Variants in BCL11A observed in about 807,000 individuals in gnomAD.
BCL11A encodes the protein B cell CLL/lymphoma 11A.
In BCL11A, 2 loss-of-function variants were observed where a neutral mutation model predicts 55.9. That is an observed-to-expected ratio of 0.04 (90% CI 0.01 to 0.11). The LOEUF (loss-of-function observed/expected upper bound fraction) is 0.11, where lower values mean the gene tolerates loss of function less well. Ranked by LOEUF, BCL11A falls within the 10% of genes least tolerant of loss-of-function variation. The pLI is 1.00. For missense variants in BCL11A, 817 were observed against 1,137.1 expected (o/e 0.72, Z 4.05); for synonymous variants, 465 against 473.4 (o/e 0.98, Z 0.23).
intron 2 of BCL11A, among the ~76,000 whole-genome samples, chr2:60,493,264 C>G (rs1678752089): frequency 6.6e-6 from 1 of 152,182 alleles, no homozygotes; most frequent in Admixed American, 6.5e-5. Context: ...CCACTATGAA[C>G]AGTGCTACAA....
intron 2 of BCL11A, among the ~76,000 whole-genome samples, chr2:60,470,022 C>T (rs911891009): frequency 9.2e-5 from 14 of 152,156 alleles, no homozygotes; most frequent in African/African-American, 3.4e-4. Flanking sequence ...GTGTAAAATA[C>T]ATCCTGTTCT....
rs1676110880 is a variant in BCL11A, at chr2:60,459,449, T to C, written c.*955A>G. The stretch of plus-strand genomic sequence containing the variant: ...TTTTAAGCTCTCACCAGGAGCAAAG[T>C]AGCTTTTATACTGGTATAATCAGTT... On this transcript the variant is annotated 3_prime_UTR_variant, in exon 4 of 4. Coordinates refer to ENST00000642384, the MANE Select transcript of BCL11A (RefSeq NM_022893.4). 9.8e-7 allele frequency: 1 copy of C among 1,021,602 alleles called. No homozygotes were observed. The highest frequency in any genetic ancestry group is 4.6e-5 in the South Asian group (1 of 21,622). 63.3% of individuals were successfully genotyped at this position (1,021,602 alleles called of 1,614,324 possible).
chr2:60,461,007 G>A lies in BCL11A; in HGVS notation c.1905C>T (p.Arg635=). 6.2e-7 allele frequency: 1 copy of A among 1,608,662 alleles called. No homozygotes were observed. The highest frequency in any genetic ancestry group is 8.5e-7 in the Non-Finnish European group (1 of 1,176,916). The change falls in exon 4 of 4, where the codon CGC becomes CGT. Residue 635 remains arginine (R), a synonymous_variant. Coordinates refer to ENST00000642384, the MANE Select transcript of BCL11A (RefSeq NM_022893.4). ...SPSSLSPFSK[R]IKLEKEFDLP... Reference sequence around the variant, plus strand: ...GGTCGAACTCCTTCTCGAGCTTGATGCGCTTAGAGAAGGGGCTCAGCGAGC... The same window carrying A: ...GGTCGAACTCCTTCTCGAGCTTGATACGCTTAGAGAAGGGGCTCAGCGAGC...
At chr2:60,513,792 C>G (rs141803473) in intron 2 of BCL11A, among the ~76,000 whole-genome samples, 54 of 152,234 alleles carry the variant, frequency 3.5e-4, no homozygotes, top group Non-Finnish European at 7.3e-5. Flanking sequence ...TCAGCACCTA[C>G]GAAGGGTCCT....
downstream of BCL11A, among the ~76,000 whole-genome samples, chr2:60,456,839 G>A (rs1272402113): frequency 2.6e-5 from 4 of 152,044 alleles, no homozygotes; most frequent in Non-Finnish European, 5.9e-5. Context: ...AACAAGAACA[G>A]CAAAAAATTT....
At position 60,458,474 on chromosome 2, in the gene BCL11A, A is replaced by C; in HGVS notation, c.*1930T>G. ...ATTTAAAAAAGTTTTGTACAAAAAA[A>C]TCCTTGCACTGTAGAAGCGAAAGCA... On this transcript the variant is annotated 3_prime_UTR_variant, in exon 4 of 4. Coordinates refer to ENST00000642384, the MANE Select transcript of BCL11A (RefSeq NM_022893.4). 9.7e-7 allele frequency: 1 copy of C among 1,029,472 alleles called. No individual in the cohort carries two copies. Among genetic ancestry groups the C allele is most frequent in the Non-Finnish European group, 1.2e-6 (1 of 855,642 alleles). 63.8% of individuals were successfully genotyped at this position (1,029,472 alleles called of 1,614,324 possible).
chr2:60,516,687 C>A (rs1299047022), intron 2 of BCL11A, among the ~76,000 whole-genome samples: 1 of 152,176 alleles, frequency 6.6e-6, no homozygotes, highest in East Asian at 1.9e-4. Flanking sequence ...TTTAACTGCC[C>A]TCAAAGATGG....
In BCL11A at chr2:60,457,646, A is replaced by C; in HGVS notation, c.*2758T>G. The C allele has an allele frequency of 9.6e-7, 1 of 1,041,890 alleles. No individual in the cohort carries two copies. Among genetic ancestry groups the C allele is most frequent in the Non-Finnish European group, 1.2e-6 (1 of 864,384 alleles). The allele number at this position is 1,041,890 out of a possible 1,614,324, so 64.5% of individuals were successfully genotyped here. On this transcript the variant is annotated 3_prime_UTR_variant, in exon 4 of 4. Transcript: ENST00000642384. ...TATAAAGCACCATTTAGTTTTTGGCAATGAAAAAAACTGCAAAACATTGGT... is the reference window on the plus strand; with the variant it reads ...TATAAAGCACCATTTAGTTTTTGGCCATGAAAAAAACTGCAAAACATTGGT...
chr2:60,528,657 C>T (rs1392371493), intron 2 of BCL11A: 1 of 152,276 alleles, frequency 6.6e-6, no homozygotes, highest in Non-Finnish European at 1.5e-5. Context: ...GGGTGGCGGC[C>T]GCAGGCCAAA....
intron 2 of BCL11A, among the ~76,000 whole-genome samples, chr2:60,505,484 C>T (rs1679534869): frequency 6.6e-6 from 1 of 152,252 alleles, no homozygotes; most frequent in Non-Finnish European, 1.5e-5. Context: ...TGCATCCACA[C>T]AGGGAACAAG....
At chr2:60,547,592 C>G (rs1411964262) in intron 1 of BCL11A, among the ~76,000 whole-genome samples, 1 of 151,732 alleles carries the variant, frequency 6.6e-6, no homozygotes, top group Non-Finnish European at 1.5e-5. Flanking sequence ...ATGTACAAGT[C>G]TTAAACAGTT....
chr2:60,479,258 T>C (rs1677809634), intron 2 of BCL11A, among the ~76,000 whole-genome samples: 1 of 152,202 alleles, frequency 6.6e-6, no homozygotes, highest in Non-Finnish European at 1.5e-5. Context: ...ACCTAGCAGG[T>C]CCACGTGGGG....
rs1676093403 is a variant in BCL11A, at chr2:60,459,129, A to G, written c.*1275T>C. On this transcript the variant is annotated 3_prime_UTR_variant, in exon 4 of 4. Transcript: ENST00000642384. The stretch of plus-strand genomic sequence containing the variant: ...AAATAGTACCACGTTGTGCTAATAA[A>G]TCATATTATTTTCTTCTGTTCCCCT... 4.9e-6 allele frequency: 5 copies of G among 1,023,300 alleles called. No homozygotes were observed. The African/African-American group carries it at 6.8e-5, about 14-fold the overall frequency. The allele number at this position is 1,023,300 out of a possible 1,614,324, so 63.4% of individuals were successfully genotyped here.
chr2:60,523,073 T>C (rs1166133571), intron 2 of BCL11A, among the ~76,000 whole-genome samples: 1 of 152,256 alleles, frequency 6.6e-6, no homozygotes, highest in Non-Finnish European at 1.5e-5. Context: ...TTGGACTTAA[T>C]ATCTTTCAGG....
intron 1 of BCL11A, among the ~76,000 whole-genome samples, chr2:60,547,944 C>T (rs181286267): frequency 2.0e-5 from 3 of 152,300 alleles, no homozygotes; most frequent in East Asian, 3.9e-4. Context: ...AGGTTATATT[C>T]CTACTAATAA....
downstream of BCL11A, chr2:60,452,440 G>A: frequency 1.3e-6 from 1 of 747,730 alleles, no homozygotes. Context: ...GAAGGACTCT[G>A]CAGGACTCTG....
At chr2:60,540,301 C>T (rs559202967) in intron 2 of BCL11A, among the ~76,000 whole-genome samples, 73 of 152,262 alleles carry the variant, frequency 4.8e-4, no homozygotes, top group African/African-American at 1.6e-3. Context: ...TTTTATTGCA[C>T]AAAGCTGGTA....
chr2:60,494,825 A>G (rs1678852525), intron 2 of BCL11A, among the ~76,000 whole-genome samples: 6 of 152,300 alleles, frequency 3.9e-5, no homozygotes, highest in South Asian at 4.2e-4. Flanking sequence ...GCAGAAACAA[A>G]GTTATCAGGC....
intron 2 of BCL11A, chr2:60,535,087 G>A (rs1013413053): frequency 4.6e-5 from 7 of 152,036 alleles, no homozygotes; most frequent in Admixed American, 6.6e-5. Flanking sequence ...AAAACAATTC[G>A]CAATTACTGG....
Sources: gnomAD v4.1 joint callset for allele counts (sites outside exome capture counted in the v4.1 genomes callset) on GRCh38, gnomAD v4.1.1 for gene constraint, MANE v1.5 for transcripts, NCBI Gene and HGNC (gene_info 2026-07-23, HGNC 2026-07-21) for gene names.